Variants in SMAD1 observed in about 807,000 individuals in gnomAD.
The protein encoded by SMAD1 is MAD, mothers against decapentaplegic homolog 1.
In SMAD1, 6 loss-of-function variants were observed where a neutral mutation model predicts 41.6. The ratio of observed to expected loss-of-function variants is 0.14; its 90% CI spans 0.08 to 0.28. SMAD1 has a LOEUF of 0.28. Among genes scored for constraint, SMAD1 ranks in the 10% least tolerant of loss-of-function variants. SMAD1 has a pLI of 1.00. For synonymous variants in SMAD1, 206 were observed against 203.2 expected, an observed-to-expected ratio of 1.01 and a Z score of -0.12; for missense variants, 379 against 582.6, an observed-to-expected ratio of 0.65 and a Z score of 3.60.
chr4:145,548,518 C>T (rs1313734015), intron 5 of SMAD1, among the ~76,000 whole-genome samples: 1 of 152,122 alleles, frequency 6.6e-6, no homozygotes, highest in Non-Finnish European at 1.5e-5. Flanking sequence ...GTGTGAGCCA[C>T]TGTGCCTGGC....
intron 2 of SMAD1, among the ~76,000 whole-genome samples, chr4:145,530,922 A>T (rs1731283287): frequency 6.6e-6 from 1 of 152,206 alleles, no homozygotes; most frequent in Non-Finnish European, 1.5e-5. Context: ...CTGATCCTTC[A>T]CCTGTAAAAC....
At chr4:145,528,855 C>T (rs918651308) in intron 2 of SMAD1, among the ~76,000 whole-genome samples, 1 of 152,192 alleles carries the variant, frequency 6.6e-6, no homozygotes, top group Admixed American at 6.5e-5. Context: ...GCCAGGCTGC[C>T]TAGGTTTGAA....
chr4:145,494,854 G>T (rs1198682995), intron 1 of SMAD1, among the ~76,000 whole-genome samples: 1 of 152,190 alleles, frequency 6.6e-6, no homozygotes. Context: ...AGACACACCA[G>T]TTAAGTTCTG....
chr4:145,481,774 C>T (rs1728184345), upstream of SMAD1: 1 of 188,850 alleles, frequency 5.3e-6, no homozygotes, highest in Non-Finnish European at 1.1e-5. Flanking sequence ...AGCGGGCGGG[C>T]GGGCAGGCGA....
At chr4:145,518,142 C>A (rs1730526946) in intron 2 of SMAD1, among the ~76,000 whole-genome samples, 1 of 125,828 alleles carries the variant, frequency 7.9e-6, no homozygotes, top group Non-Finnish European at 2.0e-5. Flanking sequence ...TGGTACATGC[C>A]TGTAGTCTCA....
At chr4:145,506,358 A>G (rs1176440876) in intron 1 of SMAD1, among the ~76,000 whole-genome samples, 3 of 152,186 alleles carry the variant, frequency 2.0e-5, no homozygotes, top group African/African-American at 7.2e-5. Flanking sequence ...TTCATTTGAC[A>G]ATAGACCATT....
rs189047545 is a variant in SMAD1 at position 145,517,711 on chromosome 4, T to C, written c.400+2698T>C. On this transcript the variant is annotated intron_variant, in intron 2 of 6. Coordinates refer to ENST00000302085, the MANE Select transcript of SMAD1 (RefSeq NM_005900.3). The stretch of plus-strand genomic sequence containing the variant: ...TTATCTATACCTTTTGACCATCTTC[T>C]TCCCTTCTTTGGTCATTTTATGGCT... Among the ~76,000 whole-genome samples the C allele has an allele frequency of 1.4e-3, 101 of 70,558 alleles. 19 individuals carry two copies. The Middle Eastern group carries it at 0.018, about 13-fold the overall frequency. The allele number at this position is 70,558 out of a possible 152,430, so 46.3% of individuals were successfully genotyped here.
At chr4:145,511,814 A>G (rs1730094801) in intron 1 of SMAD1, among the ~76,000 whole-genome samples, 1 of 152,196 alleles carries the variant, frequency 6.6e-6, no homozygotes, top group Non-Finnish European at 1.5e-5. Flanking sequence ...TTGTGAAGTC[A>G]GTATTCATTT....
rs868023491 is a variant in SMAD1 at position 145,530,262 on chromosome 4, G to A, written c.401-9542G>A. ...TCTACCAGGGGTGGATAGAAAGACC[G>A]GGAAAGGCACCATGGGAGTGCTGTT... is the stretch of plus-strand genomic sequence containing the variant. On this transcript the variant is annotated intron_variant, in intron 2 of 6. Coordinates refer to ENST00000302085, the MANE Select transcript of SMAD1 (RefSeq NM_005900.3). Among the ~76,000 whole-genome samples, 5 of 152,152 alleles carry A rather than the reference G, an allele frequency of 3.3e-5. No individual in the cohort carries two copies. The East Asian group carries it at 7.7e-4, about 23-fold the overall frequency.
At chr4:145,553,114 G>A (rs114235436) in intron 5 of SMAD1, among the ~76,000 whole-genome samples, 7,432 of 145,492 alleles carry the variant, frequency 0.051, 247 homozygotes, top group South Asian at 0.076. Context: ...GGGTTTCACC[G>A]TGCTGCCCAG....
intron 2 of SMAD1, among the ~76,000 whole-genome samples, chr4:145,530,308 T>C (rs574552624): frequency 6.6e-6 from 1 of 152,166 alleles, no homozygotes; most frequent in East Asian, 1.9e-4. Context: ...CTTGGAAATA[T>C]GGCCAAGTGA....
intron 1 of SMAD1, chr4:145,513,482 A>G (rs962952886): frequency 3.9e-5 from 6 of 152,240 alleles, no homozygotes; most frequent in African/African-American, 1.2e-4. Context: ...AATTTGGTAC[A>G]GTATGTGTCC....
intron 1 of SMAD1, among the ~76,000 whole-genome samples, chr4:145,504,527 C>T (rs1729655790): frequency 6.6e-6 from 1 of 152,076 alleles, no homozygotes; most frequent in African/African-American, 2.4e-5. Context: ...TGCTACTTAT[C>T]GTTGTGTTCT....
intron 3 of SMAD1, among the ~76,000 whole-genome samples, chr4:145,542,201 A>G (rs1049990011): frequency 6.6e-5 from 10 of 152,264 alleles, no homozygotes; most frequent in Non-Finnish European, 2.9e-5. Flanking sequence ...AGTCCAGTGA[A>G]GCTTTCAGAG....
intron 3 of SMAD1, among the ~76,000 whole-genome samples, chr4:145,541,343 A>G (rs1184140371): frequency 2.6e-5 from 4 of 152,234 alleles, no homozygotes; most frequent in Non-Finnish European, 5.9e-5. Context: ...GTAGAATAGT[A>G]TCAAGAATTA....
intron 1 of SMAD1, among the ~76,000 whole-genome samples, chr4:145,496,787 A>G (rs958930837): frequency 6.6e-6 from 1 of 152,168 alleles, no homozygotes; most frequent in Admixed American, 6.5e-5. Context: ...CCATGGATGC[A>G]CTTTTATACA....
chr4:145,505,616 CAAAAAAA>C (rs542570974), intron 1 of SMAD1, among the ~76,000 whole-genome samples: 1 of 95,638 alleles, frequency 1.0e-5, no homozygotes, highest in Non-Finnish European at 2.5e-5. Flanking sequence ...AAGACTCTGT[CAAAAAAA>C]AAAAAAAAAA....
intron 6 of SMAD1, 83 bp downstream of exon 6, chr4:145,554,123 C>A: frequency 1.7e-6 from 2 of 1,179,546 alleles, no homozygotes; most frequent in Non-Finnish European, 2.4e-6. Context: ...ATATATGAAT[C>A]TATATCCTCT....
In SMAD1 at chr4:145,542,620, C is replaced by T; in HGVS notation, c.697C>T (p.Pro233Ser). The T allele has an allele frequency of 1.9e-6, 3 of 1,613,086 alleles. No individual in the cohort carries two copies. Among genetic ancestry groups the T allele is most frequent in the Non-Finnish European group, 1.7e-6 (2 of 1,179,632 alleles). ...PPPAYLPPED[P>S]MTQDGSQPMD... ...ACCTGCTTACCTGCCTCCTGAAGAC[C>T]CCATGACCCAGGATGGCTCTCAGCC... Residue 233 changes from proline to serine, a missense_variant, in exon 4 of 7, where the codon CCC (proline) becomes TCC (serine). By Grantham distance (74) the Pro-to-Ser change is moderately conservative. Coordinates refer to ENST00000302085, the MANE Select transcript of SMAD1 (RefSeq NM_005900.3).
Sources: allele counts gnomAD v4.1 joint callset (sites outside exome capture counted in the v4.1 genomes callset), GRCh38; gene constraint gnomAD v4.1.1; transcripts MANE v1.5; gene names NCBI Gene and HGNC (gene_info 2026-07-23, HGNC 2026-07-21).